ZNF540: variants seen among roughly 807,000 people sequenced by gnomAD.
ZNF540 encodes zinc finger protein 540, also known as CTD-3064H18.6.
A neutral mutation model predicts 11.8 loss-of-function variants in ZNF540; 3 were observed. The ratio of observed to expected loss-of-function variants is 0.25; its 90% confidence interval spans 0.12 to 0.65. The LOEUF is 0.65. ZNF540 is among the 30% of genes least tolerant of loss of function. The pLI is 0.83. For missense variants in ZNF540, 709 were observed against 793.1 expected, an observed-to-expected ratio of 0.89 and a Z score of 1.27; for synonymous variants, 247 against 259.0, an observed-to-expected ratio of 0.95 and a Z score of 0.45.
intron 1 of ZNF540, among the ~76,000 whole-genome samples, chr19:37,573,196 T>C (rs903314904): frequency 6.6e-6 from 1 of 152,210 alleles, no homozygotes; most frequent in Admixed American, 6.5e-5. Context: ...TCATTTTTAC[T>C]TAATGGATGA....
At chr19:37,566,968 A>G (rs1311954919) in intron 1 of ZNF540, among the ~76,000 whole-genome samples, 1 of 152,026 alleles carries the variant, frequency 6.6e-6, no homozygotes, top group Non-Finnish European at 1.5e-5. Context: ...ATCATCACTT[A>G]CCACTCCCCT....
chr19:37,569,462 A>G lies in ZNF540; in HGVS notation c.-73+17797A>G, dbSNP rs951194675. 5.3e-5 allele frequency among the ~76,000 whole-genome samples: 8 copies of G among 152,242 alleles called. No individual in the cohort carries two copies. The highest frequency in any genetic ancestry group is 1.7e-4 in the African/African-American group (7 of 41,462). ...TCAAACTTCTTTTGACTAAAATTTC[A>G]TAGTAAGAAATACATATTATGACTG... On this transcript the variant is annotated intron_variant, in intron 1 of 4. Coordinates refer to the ZNF540 transcript ENST00000592533. The surrounding 1 kb of genome is among the most constrained non-coding windows in gnomAD (Gnocchi z 4.4).
At position 37,612,970 on chromosome 19, in the gene ZNF540, G is replaced by A. The variant is rs772057286; in HGVS notation, c.1690G>A (p.Gly564Arg). ...ATGTGGGAAGTCCTTTAGTCGGCGT[G>A]GGCAGTTCACTGAACATCAGAAAAT... ...KECGKSFSRR[G>R]QFTEHQKIHT... Residue 564 changes from glycine to arginine, a missense_variant, in exon 5 of 5, where the codon GGG becomes AGG. Transcript: ENST00000316433. 3.7e-6 allele frequency: 6 copies of A among 1,613,948 alleles called. No individual in the cohort carries two copies. Among genetic ancestry groups the A allele is most frequent in the Non-Finnish European group, 5.1e-6 (6 of 1,180,024 alleles).
chr19:37,552,093 C>T (rs911525784), intron 1 of ZNF540, among the ~76,000 whole-genome samples: 4 of 152,028 alleles, frequency 2.6e-5, no homozygotes, highest in African/African-American at 7.2e-5. Flanking sequence ...AGTTGCATTC[C>T]ACAAAATTTT....
At chr19:37,576,551 TG>T (rs1377941603) in intron 1 of ZNF540, among the ~76,000 whole-genome samples, 1 of 152,210 alleles carries the variant, frequency 6.6e-6, no homozygotes, top group Non-Finnish European at 1.5e-5. Flanking sequence ...CCTTAGGGTT[TG>T]TAAAATTTCA....
chr19:37,564,715 T>G (rs138387764), intron 1 of ZNF540: 23 of 1,613,520 alleles, frequency 1.4e-5, no homozygotes, highest in Non-Finnish European at 1.8e-5. Context: ...GAGTAAGTTC[T>G]GAGCCACGAC....
At chr19:37,562,426 G>C (rs2042727961) in intron 1 of ZNF540, 1 of 152,044 alleles carries the variant, frequency 6.6e-6, no homozygotes, top group Non-Finnish European at 1.5e-5. Flanking sequence ...GAAGACAAGA[G>C]ATAACACTGC....
intron 1 of ZNF540, chr19:37,583,805 G>A: frequency 1.7e-6 from 1 of 605,384 alleles, no homozygotes; most frequent in Non-Finnish European, 2.8e-6. Context: ...AGAGAAAGAT[G>A]TGACAGTCTA....
At chr19:37,585,049 C>G (rs1337169875) in intron 1 of ZNF540, 2 of 152,026 alleles carry the variant, frequency 1.3e-5, no homozygotes, top group African/African-American at 4.8e-5. Flanking sequence ...ATGCATCTGG[C>G]ATGTTTTATT....
intron 4 of ZNF540, among the ~76,000 whole-genome samples, chr19:37,604,682 TTTAA>T (rs1454139971): frequency 6.6e-6 from 1 of 152,150 alleles, no homozygotes; most frequent in Non-Finnish European, 1.5e-5. Flanking sequence ...ATTGTATCTG[TTTAA>T]TTATTTTGGA....
chr19:37,557,725 T>G (rs182823723), intron 1 of ZNF540, among the ~76,000 whole-genome samples: 332 of 152,322 alleles, frequency 2.2e-3, no homozygotes, highest in Non-Finnish European at 3.9e-3. Flanking sequence ...GAAAGTCAGT[T>G]TACTGATCTA....
At chr19:37,563,635 GAATA>G (rs1452702764) in intron 1 of ZNF540, 3 of 151,004 alleles carry the variant, frequency 2.0e-5, no homozygotes, top group Non-Finnish European at 4.4e-5. Flanking sequence ...TACATATGTG[GAATA>G]TATACACACG....
chr19:37,611,417 A>T (rs1028458894), intron 4 of ZNF540, 96 bp from the exon 5 acceptor site: 2 of 964,100 alleles, frequency 2.1e-6, no homozygotes, highest in South Asian at 3.7e-5. Context: ...TCTAGTAAGA[A>T]CCGTTTTCAC....
intron 1 of ZNF540, among the ~76,000 whole-genome samples, chr19:37,576,770 A>AC (rs1236218684): frequency 6.6e-6 from 1 of 152,150 alleles, no homozygotes; most frequent in African/African-American, 2.4e-5. Context: ...GGGAAGAAAT[A>AC]CCCCAATATG....
Position 37,612,466 on chromosome 19 carries a change from G to A in ZNF540, c.1186G>A (p.Gly396Arg). The A allele has an allele frequency of 6.2e-7, 1 of 1,614,106 alleles. No individual in the cohort carries two copies. ...KECGKSFNVR[G>R]QLNRHKTIHT... ...GTGTGGGAAATCATTTAATGTGCGTGGACAGCTTAATCGGCATAAAACAAT... is the reference window on the plus strand; with the variant it reads ...GTGTGGGAAATCATTTAATGTGCGTAGACAGCTTAATCGGCATAAAACAAT... Residue 396 changes from glycine (G) to arginine (R), a missense_variant, in exon 5 of 5, where the codon GGA becomes AGA. Coordinates refer to ENST00000316433, the MANE Select transcript of ZNF540 (RefSeq NM_001172225.3).
chr19:37,587,248 C>T (rs2043706471), intron 1 of ZNF540: 2 of 152,364 alleles, frequency 1.3e-5, no homozygotes, highest in African/African-American at 4.8e-5. Context: ...TATGCCTGAC[C>T]TTTGCTATGC....
At chr19:37,566,927 T>C (rs755611630) in intron 1 of ZNF540, among the ~76,000 whole-genome samples, 81 of 152,302 alleles carry the variant, frequency 5.3e-4, no homozygotes, top group Middle Eastern at 3.4e-3. Context: ...ACTTTTCTTA[T>C]GTCATCTCCC....
intron 3 of ZNF540, among the ~76,000 whole-genome samples, chr19:37,600,599 CTTTTA>C (rs1343697034): frequency 6.6e-6 from 1 of 152,030 alleles, no homozygotes; most frequent in Admixed American, 6.6e-5. Flanking sequence ...AAAGGTACTA[CTTTTA>C]TTTTCATTTT....
intron 1 of ZNF540, among the ~76,000 whole-genome samples, chr19:37,597,856 T>A (rs976741056): frequency 6.6e-6 from 1 of 152,246 alleles, no homozygotes; most frequent in African/African-American, 2.4e-5. Context: ...AGTAAACACA[T>A]GAGCATAGCT....
Sources: gnomAD v4.1 joint callset for allele counts (sites outside exome capture counted in the v4.1 genomes callset) on GRCh38, gnomAD v4.1.1 for gene constraint, Gnocchi (gnomAD v3.1) non-coding constraint, MANE v1.5 for transcripts, NCBI Gene and HGNC (gene_info 2026-07-23, HGNC 2026-07-21) for gene names.